The following IGSF11 variants were observed in gnomAD, a reference collection of about 807,000 sequenced individuals.
The protein encoded by IGSF11 is CXADR like 1.
Under a neutral mutation model 41.0 loss-of-function variants are expected in IGSF11, and 22 were observed. The observed-to-expected ratio is 0.54, with a 90% CI of 0.38 to 0.77. The LOEUF (loss-of-function observed/expected upper bound fraction) is 0.77, where lower values mean the gene tolerates loss of function less well. Among genes scored for constraint, IGSF11 ranks in the 30% least tolerant of loss-of-function variants. The pLI is 0.00. For missense variants in IGSF11, 444 were observed against 530.8 expected, an observed-to-expected ratio of 0.84 and a Z score of 1.61; for synonymous variants, 219 against 201.3, an observed-to-expected ratio of 1.09 and a Z score of -0.74.
rs372775392 is a variant in IGSF11 at position 118,968,976 on chromosome 3, T to C, written c.53-38701A>G. 1.6e-4 allele frequency among the ~76,000 whole-genome samples: 25 copies of C among 152,288 alleles called. No homozygotes were observed. In the South Asian group the frequency reaches 5.2e-3, roughly 32 times the overall value. ...TAAAATTCATCTCATACACATAATG[T>C]AAATAGCAATGGCTTCCACCCCATT... On this transcript the variant is annotated intron_variant, in intron 1 of 6. Transcript: ENST00000393775.
At chr3:119,097,957 A>ATTTTTTTTTTTTTGTTTTTTTTTT (rs2076880784) in intron 1 of IGSF11, among the ~76,000 whole-genome samples, 1 of 58,360 alleles carries the variant, frequency 1.7e-5, no homozygotes, top group Non-Finnish European at 3.4e-5. Context: ...CATTCAGCTA[A>ATTTTTTTTTTTTTGTTTTTTTTTT]TTTTTTTTTT....
chr3:119,107,369 G>A (rs541154636), upstream of IGSF11, among the ~76,000 whole-genome samples: 8 of 152,270 alleles, frequency 5.3e-5, no homozygotes, highest in East Asian at 5.8e-4. Flanking sequence ...ATGTCTTTTG[G>A]CTGCATAAAT....
rs185072016 is a variant in IGSF11 at position 118,954,313 on chromosome 3, T to C, written c.53-24038A>G. On this transcript the variant is annotated intron_variant, in intron 1 of 6. Coordinates refer to ENST00000393775, the MANE Select transcript of IGSF11 (RefSeq NM_001015887.3). ...TGCTGTTTTGGTGACTATGGCCTTATAGTGTAGTTTGAAGTCAAGTAATGT... is the reference window on the plus strand; with the variant it reads ...TGCTGTTTTGGTGACTATGGCCTTACAGTGTAGTTTGAAGTCAAGTAATGT... Among the ~76,000 whole-genome samples, 476 of 152,294 alleles carry C rather than the reference T, an allele frequency of 3.1e-3. 2 individuals are homozygous for C. Among genetic ancestry groups the C allele is most frequent in the African/African-American group, 0.01 (420 of 41,564 alleles).
At chr3:119,064,511 C>CTTTTTT (rs779910295) in intron 1 of IGSF11, among the ~76,000 whole-genome samples, 2 of 101,392 alleles carry the variant, frequency 2.0e-5, no homozygotes, top group Non-Finnish European at 3.9e-5. Context: ...CTTGGCTGCT[C>CTTTTTT]TTTTTTTTTT....
At chr3:118,992,771 G>A (rs1157205040) in intron 1 of IGSF11, among the ~76,000 whole-genome samples, 1 of 152,018 alleles carries the variant, frequency 6.6e-6, no homozygotes, top group African/African-American at 2.4e-5. Flanking sequence ...AATGTCAAAA[G>A]CACAAGTGAT....
chr3:118,968,171 A>AT (rs1559974664), intron 1 of IGSF11, among the ~76,000 whole-genome samples: 1 of 152,226 alleles, frequency 6.6e-6, no homozygotes, highest in Non-Finnish European at 1.5e-5. Context: ...AAAGAGAGGC[A>AT]TATGGCCTGC....
At chr3:119,133,434 A>G (rs551941390) in intron 1 of IGSF11, among the ~76,000 whole-genome samples, 59 of 152,354 alleles carry the variant, frequency 3.9e-4, no homozygotes, top group African/African-American at 1.4e-3. Context: ...AGAGAATACT[A>G]TAAACACCTC....
At chr3:119,112,782 T>C (rs1234746180) in intron 1 of IGSF11, 2 of 152,426 alleles carry the variant, frequency 1.3e-5, no homozygotes, top group Non-Finnish European at 2.9e-5. Context: ...CATTCATCTG[T>C]TGATGAACAC....
chr3:119,048,022 C>T (rs1576726902), intron 1 of IGSF11, among the ~76,000 whole-genome samples: 1 of 151,840 alleles, frequency 6.6e-6, no homozygotes, highest in South Asian at 2.1e-4. Flanking sequence ...ATTTATAGCA[C>T]TAAATGCCCA....
At chr3:119,069,980 C>T (rs1005867177) in intron 1 of IGSF11, among the ~76,000 whole-genome samples, 1 of 152,114 alleles carries the variant, frequency 6.6e-6, no homozygotes, top group Non-Finnish European at 1.5e-5. Context: ...TCTGTTGAGC[C>T]CCTACTAGGT....
chr3:119,064,121 A>C (rs1400283916), intron 1 of IGSF11, among the ~76,000 whole-genome samples: 1 of 152,154 alleles, frequency 6.6e-6, no homozygotes, highest in Non-Finnish European at 1.5e-5. Flanking sequence ...GAATAAAATG[A>C]CCACAGATCA....
upstream of IGSF11, among the ~76,000 whole-genome samples, chr3:119,106,063 G>A (rs1485099178): frequency 6.6e-6 from 1 of 152,038 alleles, no homozygotes; most frequent in Non-Finnish European, 1.5e-5. Context: ...CACGTTAAGA[G>A]GTATGTCTGC....
intron 1 of IGSF11, among the ~76,000 whole-genome samples, chr3:118,988,543 C>T (rs1935475213): frequency 6.6e-6 from 1 of 152,106 alleles, no homozygotes; most frequent in Non-Finnish European, 1.5e-5. Context: ...TTCAAAACTG[C>T]AGATTCTAAA....
At chr3:118,920,353 T>C (rs930264247) in intron 4 of IGSF11, among the ~76,000 whole-genome samples, 14 of 149,206 alleles carry the variant, frequency 9.4e-5, no homozygotes, top group Non-Finnish European at 2.1e-4. Context: ...AATAAATAAA[T>C]AAATAAATAA....
chr3:118,954,298 G>T (rs930145141), intron 1 of IGSF11, among the ~76,000 whole-genome samples: 1 of 152,080 alleles, frequency 6.6e-6, no homozygotes, highest in Non-Finnish European at 1.5e-5. Context: ...TGCTGTTTTG[G>T]TGACTATGGC....
intron 4 of IGSF11, among the ~76,000 whole-genome samples, chr3:118,911,825 C>A (rs1381010459): frequency 6.6e-6 from 1 of 152,044 alleles, no homozygotes; most frequent in East Asian, 1.9e-4. Flanking sequence ...TTGGGCAAAC[C>A]TGGTCTCTTC....
chr3:118,921,245 A>G (rs1331688363), intron 4 of IGSF11, among the ~76,000 whole-genome samples: 1 of 152,194 alleles, frequency 6.6e-6, no homozygotes, highest in East Asian at 1.9e-4. Flanking sequence ...CAAAGGGAAG[A>G]ATATCTATCC....
chr3:119,028,823 T>A (rs112483632), intron 1 of IGSF11, among the ~76,000 whole-genome samples: 50 of 152,160 alleles, frequency 3.3e-4, no homozygotes, highest in African/African-American at 1.2e-3. Context: ...TTAACAAAAA[T>A]TTTATTTTTC....
intron 1 of IGSF11, among the ~76,000 whole-genome samples, chr3:119,061,934 CCTT>C (rs1270332825): frequency 6.6e-6 from 1 of 152,012 alleles, no homozygotes; most frequent in Non-Finnish European, 1.5e-5. Flanking sequence ...TTGCATTTGA[CCTT>C]CTAAATGATA....
Sources: gnomAD v4.1 joint callset for allele counts (sites outside exome capture counted in the v4.1 genomes callset) on GRCh38, gnomAD v4.1.1 for gene constraint, MANE v1.5 for transcripts, NCBI Gene and HGNC (gene_info 2026-07-23, HGNC 2026-07-21) for gene names.